The following TRDN variants were observed in gnomAD, a reference collection of about 807,000 sequenced individuals.
TRDN encodes triadin in skeletal muscle.
In TRDN, 161 loss-of-function variants were observed where a neutral mutation model predicts 149.7. That is an observed-to-expected ratio of 1.08 (90% CI 0.95 to 1.23). The LOEUF is 1.23. Ranked by LOEUF, TRDN falls within the 50% of genes most tolerant of loss-of-function variation. The pLI is 0.00. For missense variants in TRDN, 896 were observed against 823.5 expected (o/e 1.09, Z -1.08); for synonymous variants, 294 against 250.5 (o/e 1.17, Z -1.64).
chr6:123,548,740 C>T (rs1781243724), intron 2 of TRDN, 128 bp from the exon 3 acceptor site: 1 of 828,526 alleles, frequency 1.2e-6, no homozygotes, highest in South Asian at 4.8e-5. Context: ...TTCTAAATAT[C>T]TCCTGGCTAC....
intron 5 of TRDN, among the ~76,000 whole-genome samples, chr6:123,527,323 T>A (rs12198112): frequency 0.32 from 48,894 of 151,838 alleles, 8,173 homozygotes; most frequent in Admixed American, 0.45. Flanking sequence ...GTATATATCT[T>A]TTTATTTAAA....
chr6:123,358,772 C>T (rs1455173269), intron 20 of TRDN, among the ~76,000 whole-genome samples: 4 of 152,032 alleles, frequency 2.6e-5, no homozygotes, highest in African/African-American at 9.7e-5. Context: ...CGTGAGCCAC[C>T]GCGCCCAGCC....
At chr6:123,271,848 C>T (rs914273620) in intron 29 of TRDN, among the ~76,000 whole-genome samples, 2 of 151,954 alleles carry the variant, frequency 1.3e-5, no homozygotes, top group African/African-American at 4.8e-5. Flanking sequence ...GGTGGTGTAA[C>T]TGAAGTAAAA....
intron 25 of TRDN, 46 bp from the exon 26 acceptor site, chr6:123,278,393 T>C: frequency 8.9e-7 from 1 of 1,126,792 alleles, no homozygotes; most frequent in South Asian, 1.6e-5. Context: ...TAGAAAGATA[T>C]TCATTTCCTA....
At chr6:123,601,364 A>G (rs1476915486) in intron 1 of TRDN, among the ~76,000 whole-genome samples, 1 of 152,152 alleles carries the variant, frequency 6.6e-6, no homozygotes, top group Admixed American at 6.6e-5. Context: ...ATATGTTGTC[A>G]TCAACACCTT....
chr6:123,286,030 GTTGT>G (rs1380606523), intron 24 of TRDN, among the ~76,000 whole-genome samples: 1 of 152,094 alleles, frequency 6.6e-6, no homozygotes, highest in Non-Finnish European at 1.5e-5. Flanking sequence ...AATAATAGAT[GTTGT>G]CATGGATGCA....
At chr6:123,422,698 G>A (rs1773959697) in intron 12 of TRDN, among the ~76,000 whole-genome samples, 1 of 152,072 alleles carries the variant, frequency 6.6e-6, no homozygotes, top group Admixed American at 6.6e-5. Context: ...ATTTATACAA[G>A]TAGTAATTTA....
chr6:123,583,903 A>T, intron 1 of TRDN: 3 of 259,182 alleles, frequency 1.2e-5, no homozygotes, highest in Non-Finnish European at 2.4e-5. Flanking sequence ...AGTAGATGGA[A>T]CACTGAGAAG....
At chr6:123,267,671 C>T in intron 32 of TRDN, 36 bp downstream of exon 32, 1 of 1,414,832 alleles carries the variant, frequency 7.1e-7, no homozygotes, top group South Asian at 1.3e-5. Context: ...AAATAGTGAA[C>T]ATAAGACAGA....
intron 12 of TRDN, among the ~76,000 whole-genome samples, chr6:123,426,654 C>T (rs1043846780): frequency 2.4e-4 from 37 of 152,076 alleles, no homozygotes; most frequent in African/African-American, 8.9e-4. Context: ...TCTTTCAAGG[C>T]AATTATTTTA....
intron 24 of TRDN, among the ~76,000 whole-genome samples, chr6:123,313,200 T>C (rs1481682404): frequency 6.6e-6 from 1 of 152,000 alleles, no homozygotes; most frequent in East Asian, 1.9e-4. Context: ...TTACCATAAT[T>C]TTTAGCTTCC....
chr6:123,235,769 A>G (rs967534941), intron 38 of TRDN, among the ~76,000 whole-genome samples: 44 of 152,150 alleles, frequency 2.9e-4, no homozygotes, highest in Non-Finnish European at 4.4e-5. Flanking sequence ...CTGTAACCCA[A>G]TGGAAGAATC....
chr6:123,229,140 T>G (rs1432401794), intron 38 of TRDN, among the ~76,000 whole-genome samples: 1 of 151,924 alleles, frequency 6.6e-6, no homozygotes, highest in Non-Finnish European at 1.5e-5. Flanking sequence ...GAGATAGCAG[T>G]GAATCCATCC....
intron 6 of TRDN, 43 bp from the exon 7 acceptor site, chr6:123,512,405 T>G: frequency 8.4e-7 from 1 of 1,197,196 alleles, no homozygotes; most frequent in Non-Finnish European, 1.2e-6. Context: ...TTTAATAGAT[T>G]TCAAAACCAA....
chr6:123,589,425 A>G (rs1489278363), intron 1 of TRDN, among the ~76,000 whole-genome samples: 1 of 152,144 alleles, frequency 6.6e-6, no homozygotes, highest in Non-Finnish European at 1.5e-5. Context: ...TCCCATTGTC[A>G]TTGAATTGCA....
At position 123,352,545 on chromosome 6, in the gene TRDN, C is replaced by T; in HGVS notation, c.1363G>A (p.Glu455Lys). 1 of 1,610,678 alleles carries T rather than the reference C, an allele frequency of 6.2e-7. No homozygotes were observed. ...KKEEKTTKTV[E>K]QEIRKEKSGK... ...CTCCTTCATTTTTTTTTACCTTGCTCCACTGTCTTGGTTGTTTTCTCTTCC... is the reference window on the plus strand; with the variant it reads ...CTCCTTCATTTTTTTTTACCTTGCTTCACTGTCTTGGTTGTTTTCTCTTCC... The change falls in exon 21 of 41, where the codon GAG becomes AAG. Residue 455 changes from glutamate (E) to lysine (K), a missense_variant. Glu to Lys is a moderately conservative substitution (Grantham distance 56, BLOSUM62 1). Coordinates refer to ENST00000334268, the MANE Select transcript of TRDN (RefSeq NM_006073.4).
Position 123,230,281 on chromosome 6 carries a change from G to A in TRDN, c.1976-6150C>T, listed in dbSNP as rs138632665. ...AAACCATCATTCTCAGCAAACTATC[G>A]CAGGGACAAAAAACCAAACACCACA... On this transcript the variant is annotated intron_variant, in intron 38 of 40. Coordinates refer to ENST00000334268, the MANE Select transcript of TRDN (RefSeq NM_006073.4). Among the ~76,000 whole-genome samples the A allele has an allele frequency of 2.0e-4, 31 of 151,810 alleles. No homozygotes were observed. In the East Asian group the frequency reaches 4.3e-3, roughly 21 times the overall value.
At chr6:123,408,607 C>A (rs925292540) in intron 12 of TRDN, among the ~76,000 whole-genome samples, 2 of 150,876 alleles carry the variant, frequency 1.3e-5, no homozygotes, top group Non-Finnish European at 3.0e-5. Context: ...GAACCCAGGA[C>A]GCAGAGGTTG....
At chr6:123,283,052 C>CT (rs1252560264) in intron 24 of TRDN, among the ~76,000 whole-genome samples, 2 of 151,394 alleles carry the variant, frequency 1.3e-5, no homozygotes, top group African/African-American at 4.8e-5. Context: ...ATCGGAATAG[C>CT]TTTTTTAATG....
Sources: allele counts gnomAD v4.1 joint callset (sites outside exome capture counted in the v4.1 genomes callset), GRCh38; gene constraint gnomAD v4.1.1; transcripts MANE v1.5; gene names NCBI Gene and HGNC (gene_info 2026-07-23, HGNC 2026-07-21).